The following NUCB2 variants were observed in gnomAD, a reference collection of about 807,000 sequenced individuals.
The protein encoded by NUCB2 is nucleobindin-2.
In NUCB2, 48 loss-of-function variants were observed where a neutral mutation model predicts 57.9. The ratio of observed to expected loss-of-function variants is 0.83; its 90% confidence interval spans 0.66 to 1.05. The LOEUF (loss-of-function observed/expected upper bound fraction) is 1.05, where lower values mean the gene tolerates loss of function less well. Among genes scored for constraint, NUCB2 ranks in the 50% least tolerant of loss-of-function variants. The probability of loss-of-function intolerance (pLI) is 0.00; values close to 1 mark genes in which losing one functional copy is unlikely to be tolerated. For missense variants in NUCB2, 442 were observed against 476.2 expected, an observed-to-expected ratio of 0.93 and a Z score of 0.67; for synonymous variants, 139 against 152.1, an observed-to-expected ratio of 0.91 and a Z score of 0.64.
intron 2 of NUCB2, among the ~76,000 whole-genome samples, chr11:17,291,559 A>AAG (rs1944947312): frequency 6.6e-6 from 1 of 151,074 alleles, no homozygotes; most frequent in African/African-American, 2.4e-5. Context: ...AAAAAAAAAA[A>AAG]ATCAGTCTTT....
chr11:17,313,692 T>A (rs1948839079), intron 10 of NUCB2, among the ~76,000 whole-genome samples: 1 of 152,226 alleles, frequency 6.6e-6, no homozygotes, highest in Non-Finnish European at 1.5e-5. Context: ...CTGATACAGT[T>A]GATGCCTCCC....
intron 5 of NUCB2, among the ~76,000 whole-genome samples, chr11:17,307,585 T>C (rs1477407484): frequency 1.3e-5 from 2 of 152,258 alleles, no homozygotes; most frequent in Non-Finnish European, 2.9e-5. Context: ...TGAATATCTT[T>C]CTGTATTAGT....
chr11:17,319,459 G>C (rs1949723763), intron 11 of NUCB2, among the ~76,000 whole-genome samples: 1 of 152,190 alleles, frequency 6.6e-6, no homozygotes, highest in South Asian at 2.1e-4. Context: ...TGCAGACCAA[G>C]ATCTGGGCCC....
chr11:17,333,162 CT>C (rs1468494767), downstream of NUCB2: 9 of 152,314 alleles, frequency 5.9e-5, no homozygotes, highest in African/African-American at 2.2e-4. Context: ...CAGGCAACCC[CT>C]GATTCACCTT....
At chr11:17,314,157 T>C (rs1049223334) in intron 10 of NUCB2, among the ~76,000 whole-genome samples, 15 of 152,146 alleles carry the variant, frequency 9.9e-5, no homozygotes, top group African/African-American at 3.1e-4. Context: ...CTATAAGTTC[T>C]GTCTGATCTA....
intron 2 of NUCB2, among the ~76,000 whole-genome samples, chr11:17,287,320 A>C (rs925072939): frequency 6.6e-6 from 1 of 152,082 alleles, no homozygotes; most frequent in African/African-American, 2.4e-5. Context: ...TGGCAGAATG[A>C]GAACCTGTCT....
chr11:17,290,073 G>A (rs1944663168), intron 2 of NUCB2, among the ~76,000 whole-genome samples: 1 of 152,106 alleles, frequency 6.6e-6, no homozygotes, highest in South Asian at 2.1e-4. Context: ...CTAACAAAAC[G>A]TAACATGGCT....
chr11:17,307,209 A>G (rs1007892581), intron 5 of NUCB2, among the ~76,000 whole-genome samples: 10 of 146,768 alleles, frequency 6.8e-5, no homozygotes, highest in African/African-American at 2.5e-4. Flanking sequence ...TGGCCCATTC[A>G]CGTGGTTCAA....
chr11:17,341,270 A>C (rs560401256), intron 2 of NUCB2, among the ~76,000 whole-genome samples: 170 of 140,254 alleles, frequency 1.2e-3, no homozygotes, highest in South Asian at 6.5e-3. Context: ...AACAGGGACA[A>C]TTTGACTTCC....
intron 2 of NUCB2, among the ~76,000 whole-genome samples, chr11:17,348,867 C>A (rs1251361367): frequency 1.3e-5 from 2 of 151,998 alleles, no homozygotes; most frequent in Admixed American, 1.3e-4. Flanking sequence ...GCAACCTCCG[C>A]TTCCCGGGTT....
At chr11:17,325,612 G>A (rs1365912562) in intron 11 of NUCB2, among the ~76,000 whole-genome samples, 1 of 152,168 alleles carries the variant, frequency 6.6e-6, no homozygotes, top group Non-Finnish European at 1.5e-5. Context: ...ATTGGGTCTT[G>A]TTTTTTCATC....
At position 17,331,408 on chromosome 11, in the gene NUCB2, A is replaced by G. The variant is rs1465392350; in HGVS notation, c.1256-4A>G. ...AATAAGAACTTTTTTCTTTTTTCCA[A>G]CAGACATTTAAAGTCTGAAGTCCAC... On this transcript the variant is annotated splice_region_variant and splice_polypyrimidine_tract_variant and intron_variant, in intron 13 of 13. Transcript: ENST00000529010. 2 of 1,444,258 alleles carry G rather than the reference A, an allele frequency of 1.4e-6. No individual in the cohort carries two copies. The highest frequency in any genetic ancestry group is 2.6e-5 in the East Asian group (1 of 38,650). The allele number at this position is 1,444,258 out of a possible 1,614,324, so 89.5% of individuals were successfully genotyped here.
intron 2 of NUCB2, among the ~76,000 whole-genome samples, chr11:17,338,852 T>C (rs1952010295): frequency 6.6e-6 from 1 of 151,956 alleles, no homozygotes; most frequent in African/African-American, 2.4e-5. Flanking sequence ...TTAGTAGAGA[T>C]GGGGTTTCAC....
At chr11:17,296,410 C>A (rs1945832789) in intron 4 of NUCB2, among the ~76,000 whole-genome samples, 199 bp downstream of exon 4, 1 of 151,982 alleles carries the variant, frequency 6.6e-6, no homozygotes, top group Non-Finnish European at 1.5e-5. Flanking sequence ...TTTGCACGTG[C>A]CAGGCACTGA....
intron 10 of NUCB2, 110 bp downstream of exon 10, chr11:17,312,230 G>T: frequency 3.1e-6 from 2 of 636,464 alleles, no homozygotes; most frequent in East Asian, 3.1e-5. Context: ...TGGAGTTTGC[G>T]TTTTTGTTTT....
chr11:17,330,984 G>A lies in NUCB2; in HGVS notation c.1255+1G>A, dbSNP rs1187794158. On this transcript the variant is annotated splice_donor_variant, in intron 13 of 13. Coordinates refer to ENST00000529010, the MANE Select transcript of NUCB2 (RefSeq NM_005013.4). LOFTEE classifies it high-confidence loss of function. The surrounding 1 kb of genome is among the most constrained non-coding windows in gnomAD (Gnocchi z 4.3). ...GCTGGAGAATTGAAGTTTGAGCCAC[G>A]TGTGTAATTTTGTTTGATTATTTAT... The A allele has an allele frequency of 3.1e-6, 5 of 1,587,316 alleles. No homozygotes were observed. The highest frequency in any genetic ancestry group is 4.3e-6 in the Non-Finnish European group (5 of 1,160,136).
In NUCB2 at chr11:17,330,739, G is replaced by A. The variant is rs1951289819; in HGVS notation, c.1174-163G>A. Among the ~76,000 whole-genome samples, 1 of 152,212 alleles carries A rather than the reference G, an allele frequency of 6.6e-6. No homozygotes were observed. Among genetic ancestry groups the A allele is most frequent in the South Asian group, 2.1e-4 (1 of 4,832 alleles). On this transcript the variant is annotated intron_variant, in intron 12 of 13. Transcript: ENST00000529010. This position sits in a 1 kb window ranked among gnomAD's most constrained non-coding sequence, Gnocchi z 4.3. ...CCACCTGGGCCTCTGAAATTGTTGG[G>A]ACTATAGGCGTGAGCCACTGCACCT...
chr11:17,342,831 G>A (rs1445687880), intron 2 of NUCB2, among the ~76,000 whole-genome samples: 148 of 152,078 alleles, frequency 9.7e-4, no homozygotes, highest in Admixed American at 3.9e-3. Flanking sequence ...TATTAGGTCT[G>A]CTTGGTGCAG....
At position 17,311,906 on chromosome 11, in the gene NUCB2, A is replaced by C; in HGVS notation, c.795A>C (p.Glu265Asp). 1 of 1,600,252 alleles carries C rather than the reference A, an allele frequency of 6.2e-7. No homozygotes were observed. Among genetic ancestry groups the C allele is most frequent in the Non-Finnish European group, 8.5e-7 (1 of 1,171,444 alleles). Residue 265 changes from glutamate to aspartate, a missense_variant, in exon 9 of 14, where the codon GAA becomes GAC. Coordinates refer to ENST00000529010, the MANE Select transcript of NUCB2 (RefSeq NM_005013.4). Reference protein sequence around the residue: ...VNSDGFLDEQELEALFTKELE... With the variant: ...VNSDGFLDEQDLEALFTKELE... ...GTGATGGATTCCTGGATGAACAAGA[A>C]TTAGAAGCCCTATTTACTAAAGAGG...
Sources: allele counts gnomAD v4.1 joint callset (sites outside exome capture counted in the v4.1 genomes callset), GRCh38; gene constraint gnomAD v4.1.1; non-coding constraint Gnocchi (gnomAD v3.1); transcripts MANE v1.5; gene names NCBI Gene and HGNC (gene_info 2026-07-23, HGNC 2026-07-21).